The following BMP1 variants were observed in gnomAD, a reference collection of about 807,000 sequenced individuals.
BMP1 encodes the protein bone morphogenetic protein 1.
A neutral mutation model predicts 116.8 loss-of-function variants in BMP1; 63 were observed. The observed-to-expected ratio is 0.54, with a 90% CI of 0.44 to 0.67. The LOEUF is 0.67. Ranked by LOEUF, BMP1 falls within the 30% of genes least tolerant of loss-of-function variation. The probability of loss-of-function intolerance (pLI) is 0.00; values close to 1 mark genes in which losing one functional copy is unlikely to be tolerated. For missense variants in BMP1, 1,183 were observed against 1,358.9 expected (o/e 0.87, Z 2.04); for synonymous variants, 536 against 533.4 (o/e 1.00, Z -0.07).
intron 3 of BMP1, 77 bp from the exon 4 acceptor site, chr8:22,176,456 G>A: frequency 1.3e-6 from 2 of 1,570,552 alleles, no homozygotes; most frequent in South Asian, 1.1e-5. Context: ...CCTCAGAATG[G>A]CTGTGACTCT....
chr8:22,180,617 G>A lies in BMP1; in HGVS notation c.1077+134G>A, dbSNP rs55729437. The A allele has an allele frequency of 0.011, 8,340 of 739,112 alleles. 556 individuals carry two copies. The African/African-American group carries it at 0.13, about 12-fold the overall frequency. 45.8% of individuals were successfully genotyped at this position (739,112 alleles called of 1,614,324 possible). ...ACCGTAAATGTATCAAGTCCAGAGC[G>A]CTGATGGAGCACGGCTGTAGGAAGG... is the stretch of plus-strand genomic sequence containing the variant. On this transcript the variant is annotated intron_variant, in intron 8 of 19. Transcript: ENST00000306385.
Position 22,206,870 on chromosome 8 carries a change from GGT to G in BMP1, c.2252_2253del (p.Val751AspfsTer14). The G allele has an allele frequency of 6.2e-7, 1 of 1,614,160 alleles. No individual in the cohort carries two copies. The highest frequency in any genetic ancestry group is 8.5e-7 in the Non-Finnish European group (1 of 1,180,012). On this transcript the variant is annotated frameshift_variant, in exon 17 of 20. Transcript: ENST00000306385. LOFTEE classifies it high-confidence loss of function. ...DCKEAGCDHK[V>X]TSTSGTITSP... ...TCCCTGCAGCCGGCTGTGACCACAA[GGT>G]GACATCCACCAGTGGTACCATCACC...
In BMP1 at chr8:22,208,040, T is replaced by C. The variant is rs148984217; in HGVS notation, c.2575+524T>C. Among the ~76,000 whole-genome samples the C allele has an allele frequency of 9.4e-3, 1,393 of 148,740 alleles. 14 individuals are homozygous for C. Among genetic ancestry groups the C allele is most frequent in the African/African-American group, 0.035 (1,320 of 38,190 alleles). ...CTGGGATTACAGGAGCCTGCCACCA[T>C]GCCCAGCTAATTTTTGTATTTTTAG... is the stretch of plus-strand genomic sequence containing the variant. On this transcript the variant is annotated intron_variant, in intron 18 of 19. Coordinates refer to ENST00000306385, the MANE Select transcript of BMP1 (RefSeq NM_006129.5).
chr8:22,195,525 G>A lies in BMP1; in HGVS notation c.1703G>A (p.Gly568Asp), dbSNP rs1237133049. 1 of 1,612,632 alleles carries A rather than the reference G, an allele frequency of 6.2e-7. No individual in the cohort carries two copies. Among genetic ancestry groups the A allele is most frequent in the East Asian group, 2.2e-5 (1 of 44,764 alleles). Residue 568 changes from glycine to aspartate, a missense_variant, in exon 13 of 20, where the codon GGC (glycine) becomes GAC (aspartate). Gly to Asp is a moderately conservative substitution (Grantham distance 94). Around this residue, in one of 4 missense-constraint regions of BMP1, gnomAD observed 956 missense variants for 1,135.2 expected, o/e 0.84. Coordinates refer to ENST00000306385, the MANE Select transcript of BMP1 (RefSeq NM_006129.5). Reference protein sequence around the residue: ...GCEQRCLNTLGSYKCSCDPGY... With the variant: ...GCEQRCLNTLDSYKCSCDPGY... ...GAGCAGCGGTGCCTCAACACCCTGGGCAGCTACAAGTGCAGCTGTGACCCC... is the reference window on the plus strand; with the variant it reads ...GAGCAGCGGTGCCTCAACACCCTGGACAGCTACAAGTGCAGCTGTGACCCC...
chr8:22,195,990 G>T (rs1441885210), intron 13 of BMP1, among the ~76,000 whole-genome samples: 2 of 151,920 alleles, frequency 1.3e-5, no homozygotes, highest in Non-Finnish European at 2.9e-5. Context: ...AAGCTAGATG[G>T]ATACCCCAAC....
In BMP1 at chr8:22,179,617, G is replaced by C. The variant is rs1032006142; in HGVS notation, c.837-88G>C. 1.3e-6 allele frequency: 2 copies of C among 1,597,804 alleles called. No individual in the cohort carries two copies. The highest frequency in any genetic ancestry group is 1.8e-4 in the Middle Eastern group (1 of 5,584). On this transcript the variant is annotated intron_variant, in intron 6 of 19. Coordinates refer to ENST00000306385, the MANE Select transcript of BMP1 (RefSeq NM_006129.5). This position sits in a 1 kb window ranked among gnomAD's most constrained non-coding sequence, Gnocchi z 4.6. ...GGAATGTCTGAGCTCCAGCAGGGTC[G>C]TGACTTGTGGGTACAGATGGGCATG... is the stretch of plus-strand genomic sequence containing the variant.
intron 13 of BMP1, 86 bp from the exon 14 acceptor site, chr8:22,196,594 C>G: frequency 6.3e-7 from 1 of 1,586,920 alleles, no homozygotes; most frequent in African/African-American, 1.3e-5. Flanking sequence ...TCCCCATCTT[C>G]TCCTTACTGC....
intron 13 of BMP1, 39 bp from the exon 14 acceptor site, chr8:22,196,641 G>A: frequency 1.2e-6 from 2 of 1,612,308 alleles, no homozygotes; most frequent in South Asian, 2.2e-5. Context: ...CCATGGCAGG[G>A]GCTCCCCGCA....
chr8:22,211,285 C>T (rs1439617849), intron 19 of BMP1, among the ~76,000 whole-genome samples: 1 of 152,220 alleles, frequency 6.6e-6, no homozygotes, highest in African/African-American at 2.4e-5. Context: ...GAGCAGAGAC[C>T]TTTTGCTCCT....
At position 22,165,563 on chromosome 8, in the gene BMP1, C is replaced by T. The variant is rs760862788; in HGVS notation, c.148+10C>T. ...GACCCCTGCAAGGCGGGTGAGCGCCCCCCGGCCCCCCGGCGACGGGCCAGG... is the reference window on the plus strand; with the variant it reads ...GACCCCTGCAAGGCGGGTGAGCGCCTCCCGGCCCCCCGGCGACGGGCCAGG... On this transcript the variant is annotated intron_variant, in intron 1 of 19. Coordinates refer to ENST00000306385, the MANE Select transcript of BMP1 (RefSeq NM_006129.5). 2 of 1,571,770 alleles carry T rather than the reference C, an allele frequency of 1.3e-6. No homozygotes were observed. Among genetic ancestry groups the T allele is most frequent in the Admixed American group, 1.9e-5 (1 of 53,326 alleles).
At chr8:22,210,446 C>CCT (rs35296515) in intron 19 of BMP1, among the ~76,000 whole-genome samples, 72 of 135,684 alleles carry the variant, frequency 5.3e-4, no homozygotes, top group Admixed American at 2.4e-3. Context: ...TCTCTCTTTC[C>CCT]CTCTCTCTCT....
intron 5 of BMP1, among the ~76,000 whole-genome samples, chr8:22,177,386 G>C (rs1026400598): frequency 1.3e-5 from 2 of 152,240 alleles, no homozygotes; most frequent in African/African-American, 4.8e-5. Flanking sequence ...CCTGGACAGC[G>C]GTAGCCCGGG....
intron 8 of BMP1, among the ~76,000 whole-genome samples, chr8:22,184,328 A>G (rs1329735069): frequency 6.6e-6 from 1 of 152,228 alleles, no homozygotes; most frequent in East Asian, 1.9e-4. Context: ...TAGTGGACGC[A>G]CATGGCCTTG....
chr8:22,207,779 AG>A (rs779016968), intron 18 of BMP1, among the ~76,000 whole-genome samples: 1 of 152,238 alleles, frequency 6.6e-6, no homozygotes, highest in Non-Finnish European at 1.5e-5. Context: ...AAGCCCCCAG[AG>A]GTCCCCCTGA....
chr8:22,206,160 A>G (rs1829350286), intron 16 of BMP1, among the ~76,000 whole-genome samples: 4 of 152,130 alleles, frequency 2.6e-5, no homozygotes, highest in African/African-American at 9.7e-5. Flanking sequence ...TGGGGCCAGG[A>G]GTTCGAGACC....
At position 22,180,193 on chromosome 8, in the gene BMP1, G is replaced by A. The variant is rs144176310; in HGVS notation, c.962-175G>A. 3.0e-3 allele frequency among the ~76,000 whole-genome samples: 462 copies of A among 152,194 alleles called. 2 individuals are homozygous for A. The highest frequency in any genetic ancestry group is 0.01 in the African/African-American group (434 of 41,520). ...TGGGCTGGGAGGTAGGATGGCGTGT[G>A]CTATATGTGAGGTAGGGGGGTGGAT... On this transcript the variant is annotated intron_variant, in intron 7 of 19. Coordinates refer to ENST00000306385, the MANE Select transcript of BMP1 (RefSeq NM_006129.5).
chr8:22,208,827 A>C lies in BMP1; in HGVS notation c.2576-618A>C, dbSNP rs561439093. On this transcript the variant is annotated intron_variant, in intron 18 of 19. Transcript: ENST00000306385. ...TCCCCTTCAACTCAGTCCCTGACCC[A>C]GCCCCGTCCTTCCCTCTCCCCACCT... is the stretch of plus-strand genomic sequence containing the variant. 2.0e-3 allele frequency among the ~76,000 whole-genome samples: 297 copies of C among 152,226 alleles called. 2 individuals are homozygous for C. The highest frequency in any genetic ancestry group is 7.0e-3 in the African/African-American group (290 of 41,548).
chr8:22,173,577 C>A, intron 1 of BMP1, 25 bp from the exon 2 acceptor site: 4 of 1,583,500 alleles, frequency 2.5e-6, no homozygotes, highest in Non-Finnish European at 3.5e-6. Flanking sequence ...ATTAACTCAG[C>A]CCTGGCTTCT....
chr8:22,192,866 G>A (rs1828974689), intron 9 of BMP1, among the ~76,000 whole-genome samples: 1 of 152,172 alleles, frequency 6.6e-6, no homozygotes, highest in South Asian at 2.1e-4. Flanking sequence ...AGGAGCTCAG[G>A]ACCACTCTTT....
Sources: gnomAD v4.1 joint callset for allele counts (sites outside exome capture counted in the v4.1 genomes callset) on GRCh38, gnomAD v4.1.1 for gene constraint, gnomAD v4.1.1 regional missense constraint, Gnocchi (gnomAD v3.1) non-coding constraint, MANE v1.5 for transcripts, NCBI Gene and HGNC (gene_info 2026-07-23, HGNC 2026-07-21) for gene names.